PTPRT: variants seen among roughly 807,000 people sequenced by gnomAD.
PTPRT encodes the protein protein tyrosine phosphatase receptor type T.
In PTPRT, 56 loss-of-function variants were observed where a neutral mutation model predicts 176.8. The ratio of observed to expected loss-of-function variants is 0.32; its 90% CI spans 0.26 to 0.40. The LOEUF is 0.40. Among genes scored for constraint, PTPRT ranks in the 10% least tolerant of loss-of-function variants. PTPRT has a pLI of 1.00. For missense variants in PTPRT, 1,540 were observed against 1,908.2 expected, an observed-to-expected ratio of 0.81 and a Z score of 3.60; for synonymous variants, 783 against 739.0, an observed-to-expected ratio of 1.06 and a Z score of -0.96.
chr20:42,612,695 G>A (rs2073995463), intron 7 of PTPRT, among the ~76,000 whole-genome samples: 1 of 151,926 alleles, frequency 6.6e-6, no homozygotes, highest in Non-Finnish European at 1.5e-5. Context: ...AGATTATCAT[G>A]CAAACCCAGA....
At chr20:42,463,539 A>G (rs2071056124) in intron 8 of PTPRT, among the ~76,000 whole-genome samples, 1 of 152,106 alleles carries the variant, frequency 6.6e-6, no homozygotes, top group Non-Finnish European at 1.5e-5. Context: ...GAAGATTTTC[A>G]TTTCAACATA....
At chr20:42,860,551 C>T (rs1020008454) in intron 2 of PTPRT, among the ~76,000 whole-genome samples, 12 of 152,136 alleles carry the variant, frequency 7.9e-5, no homozygotes, top group African/African-American at 2.9e-4. Context: ...ATTTGTTTTC[C>T]CAGTTTTGCT....
chr20:42,822,780 C>G (rs1009461875), intron 2 of PTPRT, among the ~76,000 whole-genome samples: 6 of 151,948 alleles, frequency 3.9e-5, no homozygotes, highest in African/African-American at 1.5e-4. Context: ...ACGCAGCCAA[C>G]AAACATGAAA....
chr20:42,651,491 A>G (rs2145970942), intron 7 of PTPRT, among the ~76,000 whole-genome samples: 1 of 152,338 alleles, frequency 6.6e-6, no homozygotes, highest in South Asian at 2.1e-4. Context: ...TGAGGCTCAA[A>G]GAGATTAAGC....
chr20:42,449,959 TA>T lies in PTPRT; in HGVS notation c.1451-1631del, dbSNP rs201513673. On this transcript the variant is annotated intron_variant, in intron 8 of 30. Transcript: ENST00000373187. ...AAAAAGATATGCCTATGCATATATA[TA>T]TTTTTTATTTTTAAAAAAATGTTAA... Among the ~76,000 whole-genome samples the T allele has an allele frequency of 8.7e-3, 1,326 of 152,260 alleles. 11 individuals are homozygous for T. The highest frequency in any genetic ancestry group is 0.014 in the Middle Eastern group (4 of 294).
At chr20:43,112,911 C>T (rs1013711075) in intron 1 of PTPRT, among the ~76,000 whole-genome samples, 3 of 151,730 alleles carry the variant, frequency 2.0e-5, no homozygotes, top group Non-Finnish European at 2.9e-5. Flanking sequence ...TGGGGTTTTG[C>T]GTGTAACTCA....
chr20:42,550,425 A>G (rs1344983426), intron 7 of PTPRT, among the ~76,000 whole-genome samples: 1 of 152,098 alleles, frequency 6.6e-6, no homozygotes, highest in Non-Finnish European at 1.5e-5. Context: ...AATTATATGA[A>G]CCATGAAATT....
chr20:42,666,002 T>G (rs1419462479), intron 7 of PTPRT, among the ~76,000 whole-genome samples: 1 of 150,652 alleles, frequency 6.6e-6, no homozygotes, highest in Non-Finnish European at 1.5e-5. Context: ...AAATGACGAG[T>G]TAATGGGTGC....
chr20:42,473,955 T>C (rs1236251323), intron 7 of PTPRT, among the ~76,000 whole-genome samples: 2 of 152,180 alleles, frequency 1.3e-5, no homozygotes, highest in African/African-American at 4.8e-5. Context: ...GATCCACTTT[T>C]TAATTCATTT....
At chr20:42,894,487 C>T (rs983322921) in intron 1 of PTPRT, among the ~76,000 whole-genome samples, 1 of 151,848 alleles carries the variant, frequency 6.6e-6, no homozygotes, top group Non-Finnish European at 1.5e-5. Flanking sequence ...GATCATTAAC[C>T]CCAATTTTAT....
In PTPRT at chr20:42,978,723, T is replaced by C. The variant is rs201917564; in HGVS notation, c.89-92791A>G. On this transcript the variant is annotated intron_variant, in intron 1 of 30. Transcript: ENST00000373187. The stretch of plus-strand genomic sequence containing the variant: ...CCGCTAAATCCCACCAAAACAAAGA[T>C]GGCCACGAGAGTGACCTCTGGTCAT... 9.2e-5 allele frequency among the ~76,000 whole-genome samples: 14 copies of C among 152,276 alleles called. No homozygotes were observed. In the East Asian group the frequency reaches 1.9e-3, roughly 21 times the overall value.
At chr20:43,135,618 A>T (rs1400211569) in intron 1 of PTPRT, among the ~76,000 whole-genome samples, 1 of 152,246 alleles carries the variant, frequency 6.6e-6, no homozygotes, top group Admixed American at 6.5e-5. Flanking sequence ...AACAAAGAAT[A>T]AAGGGACTGT....
chr20:42,349,888 T>A (rs936548858), intron 11 of PTPRT, among the ~76,000 whole-genome samples: 1 of 152,200 alleles, frequency 6.6e-6, no homozygotes, highest in African/African-American at 2.4e-5. Context: ...ACTATGGAGA[T>A]GCGTCAGTGT....
rs573757263 is a variant in PTPRT, at chr20:42,074,636, C to G, written c.*6243G>C. ...GCCCTTGCACTTCCCTTGTATCTGC[C>G]CCAGTGGACCACCCCTGAGCTCTTA... is the stretch of plus-strand genomic sequence containing the variant. On this transcript the variant is annotated 3_prime_UTR_variant, in exon 31 of 31. Coordinates refer to ENST00000373187, the MANE Select transcript of PTPRT (RefSeq NM_007050.6). 146 of 396,602 alleles carry G rather than the reference C, an allele frequency of 3.7e-4. 1 individual carries two copies. Among genetic ancestry groups the G allele is most frequent in the Middle Eastern group, 1.9e-3 (3 of 1,580 alleles). 24.6% of individuals were successfully genotyped at this position (396,602 alleles called of 1,614,324 possible). A position where few individuals can be genotyped will look rare whatever the true frequency, so the allele number is the denominator to read the frequency against.
chr20:42,947,796 C>T lies in PTPRT; in HGVS notation c.89-61864G>A, dbSNP rs550265285. ...TGAGGCCACCCCACCCCAGGACTCCCGGAAATTGTCTTGCCAAGGTCACTG... is the reference window on the plus strand; with the variant it reads ...TGAGGCCACCCCACCCCAGGACTCCTGGAAATTGTCTTGCCAAGGTCACTG... On this transcript the variant is annotated intron_variant, in intron 1 of 30. Transcript: ENST00000373187. Among the ~76,000 whole-genome samples, 7 of 152,172 alleles carry T rather than the reference C, an allele frequency of 4.6e-5. 1 individual carries two copies. In the South Asian group the frequency reaches 1.0e-3, roughly 23 times the overall value.
intron 7 of PTPRT, among the ~76,000 whole-genome samples, chr20:42,520,155 A>T (rs1394648538): frequency 2.6e-5 from 4 of 152,110 alleles, no homozygotes; most frequent in Non-Finnish European, 5.9e-5. Context: ...TGTCTTTTTG[A>T]ATACTTATAT....
At chr20:42,712,561 C>T (rs539535767) in intron 6 of PTPRT, among the ~76,000 whole-genome samples, 118 of 152,130 alleles carry the variant, frequency 7.8e-4, no homozygotes, top group Non-Finnish European at 1.2e-3. Flanking sequence ...AGACTATCAG[C>T]GTGACCTTGG....
intron 16 of PTPRT, among the ~76,000 whole-genome samples, chr20:42,167,003 C>T (rs1989855438): frequency 6.6e-6 from 1 of 152,022 alleles, no homozygotes; most frequent in Non-Finnish European, 1.5e-5. Flanking sequence ...GTCTGGGTCC[C>T]AGAATCAGAT....
intron 3 of PTPRT, among the ~76,000 whole-genome samples, chr20:42,785,089 T>C (rs1302346597): frequency 3.3e-5 from 5 of 152,196 alleles, no homozygotes; most frequent in South Asian, 2.1e-4. Context: ...CTATAACACA[T>C]GCATAGATCA....
Sources: gnomAD v4.1 joint callset for allele counts (sites outside exome capture counted in the v4.1 genomes callset) on GRCh38, gnomAD v4.1.1 for gene constraint, MANE v1.5 for transcripts, NCBI Gene and HGNC (gene_info 2026-07-23, HGNC 2026-07-21) for gene names.